SLC2A1: variants seen among roughly 807,000 people sequenced by gnomAD.
SLC2A1 encodes solute carrier family 2 member 1, also known as solute carrier family 2, facilitated glucose transporter member 1.
A neutral mutation model predicts 46.6 loss-of-function variants in SLC2A1; 4 were observed. The ratio of observed to expected loss-of-function variants is 0.09; its 90% CI spans 0.04 to 0.20. The LOEUF is 0.20. Ranked by LOEUF, SLC2A1 falls within the 10% of genes least tolerant of loss-of-function variation. The pLI, the probability that SLC2A1 is intolerant of heterozygous loss-of-function variation, is 1.00. For missense variants in SLC2A1, 352 were observed against 667.0 expected (o/e 0.53, Z 5.20); for synonymous variants, 253 against 270.0 (o/e 0.94, Z 0.62).
rs776396522 is a variant in SLC2A1 at position 42,927,280 on chromosome 1, C to T, written c.1279-39G>A. The stretch of plus-strand genomic sequence containing the variant: ...AGACACACTTGGTTGGAGTCATGAC[C>T]CTACATCCTGGCTGTAGGACTTTGG... On this transcript the variant is annotated intron_variant, in intron 9 of 9. Coordinates refer to ENST00000426263, the MANE Select transcript of SLC2A1 (RefSeq NM_006516.4). This position sits in a 1 kb window ranked among gnomAD's most constrained non-coding sequence, Gnocchi z 5.3. 12 of 1,591,056 alleles carry T rather than the reference C, an allele frequency of 7.5e-6. No individual in the cohort carries two copies. In the Admixed American group the frequency reaches 1.2e-4, roughly 16 times the overall value.
intron 2 of SLC2A1, chr1:42,942,920 T>C: frequency 2.3e-6 from 1 of 442,320 alleles, no homozygotes; most frequent in East Asian, 4.7e-5. Flanking sequence ...TGAGCTTTGC[T>C]TTGAGTTTAT....
intron 2 of SLC2A1, among the ~76,000 whole-genome samples, chr1:42,932,100 C>G (rs1433643020): frequency 6.6e-6 from 1 of 152,188 alleles, no homozygotes; most frequent in African/African-American, 2.4e-5. Flanking sequence ...CTTTCTGTTC[C>G]CCAGGCCTAG....
At position 42,927,482 on chromosome 1, in the gene SLC2A1, C is replaced by T. The variant is rs1048479369; in HGVS notation, c.1278+123G>A. On this transcript the variant is annotated intron_variant, in intron 9 of 9. Transcript: ENST00000426263. The surrounding 1 kb of genome is among the most constrained non-coding windows in gnomAD (Gnocchi z 5.3). ...AGGTCAGCATTCTTGGTCATGTGACCTGGGCTTCCTACCCTCAGTTTCCTC... is the reference window on the plus strand; with the variant it reads ...AGGTCAGCATTCTTGGTCATGTGACTTGGGCTTCCTACCCTCAGTTTCCTC... 1.5e-5 allele frequency: 15 copies of T among 1,023,506 alleles called. 1 individual carries two copies. In the South Asian group the frequency reaches 2.1e-4, roughly 14 times the overall value. The allele number at this position is 1,023,506 out of a possible 1,614,324, so 63.4% of individuals were successfully genotyped here.
chr1:42,929,015 C>T lies in SLC2A1; in HGVS notation c.991G>A (p.Ala331Thr), dbSNP rs1040371265. The T allele has an allele frequency of 2.5e-6, 4 of 1,613,258 alleles. No homozygotes were observed. In the African/African-American group the frequency reaches 4.0e-5, roughly 16 times the overall value. ...ATGAGGTGCAGGGTCCGCCGGCCTG[C>T]TCGCTCCACCACAAACAGCTGTGGG... is the stretch of plus-strand genomic sequence containing the variant. ...TVVSLFVVER[A>T]GRRTLHLIGL... is the part of the protein sequence containing the mutation. The change falls in exon 8 of 10, where the codon GCA becomes ACA. Residue 331 changes from alanine to threonine, a missense_variant. Around this residue, in one of 5 missense-constraint regions of SLC2A1, gnomAD observed 167 missense variants for 280.8 expected, o/e 0.59. Coordinates refer to ENST00000426263, the MANE Select transcript of SLC2A1 (RefSeq NM_006516.4). The surrounding 1 kb of genome is among the most constrained non-coding windows in gnomAD (Gnocchi z 6.0).
chr1:42,948,208 CT>C (rs1161110153), intron 1 of SLC2A1, among the ~76,000 whole-genome samples: 1 of 152,224 alleles, frequency 6.6e-6, no homozygotes, highest in Non-Finnish European at 1.5e-5. Flanking sequence ...TTCAGGACCT[CT>C]CCCCCAACGC....
At chr1:42,932,988 C>T (rs191537130) in intron 2 of SLC2A1, among the ~76,000 whole-genome samples, 2 of 152,342 alleles carry the variant, frequency 1.3e-5, no homozygotes, top group African/African-American at 4.8e-5. Flanking sequence ...AACTCTGATT[C>T]TGGACACAAC....
chr1:42,941,400 C>T (rs1451413091), intron 2 of SLC2A1, among the ~76,000 whole-genome samples: 1 of 152,212 alleles, frequency 6.6e-6, no homozygotes, highest in African/African-American at 2.4e-5. Flanking sequence ...TAGTGACACA[C>T]TAAACTACTC....
rs1405199587 is a variant in SLC2A1, at chr1:42,929,788, G to A, written c.680-8C>T. ...CGCGCAGCTTCTTTAGCACTGGGGG[G>A]ACCGGAGGGAAGGTGAGGGTGGCTC... On this transcript the variant is annotated splice_polypyrimidine_tract_variant and splice_region_variant and intron_variant, in intron 5 of 9. Coordinates refer to ENST00000426263, the MANE Select transcript of SLC2A1 (RefSeq NM_006516.4). The surrounding 1 kb of genome is among the most constrained non-coding windows in gnomAD (Gnocchi z 6.0). The A allele has an allele frequency of 3.1e-6, 5 of 1,614,132 alleles. No homozygotes were observed. Among genetic ancestry groups the A allele is most frequent in the East Asian group, 2.2e-5 (1 of 44,900 alleles).
At chr1:42,951,223 G>A (rs1321309310) in intron 1 of SLC2A1, among the ~76,000 whole-genome samples, 1 of 152,160 alleles carries the variant, frequency 6.6e-6, no homozygotes, top group African/African-American at 2.4e-5. Flanking sequence ...AGAAGGTGAT[G>A]GGGCTGCTAT....
In SLC2A1 at chr1:42,928,807, C is replaced by T. The variant is rs533214663; in HGVS notation, c.1074+125G>A. 48 of 854,020 alleles carry T rather than the reference C, an allele frequency of 5.6e-5. No homozygotes were observed. In the African/African-American group the frequency reaches 6.9e-4, roughly 12 times the overall value. The allele number at this position is 854,020 out of a possible 1,614,324, so 52.9% of individuals were successfully genotyped here. On this transcript the variant is annotated intron_variant, in intron 8 of 9. Coordinates refer to ENST00000426263, the MANE Select transcript of SLC2A1 (RefSeq NM_006516.4). ...CAACTTCAGGAGCCAGAAAGTCAGACCCACAGCCAGGGAGAATGCAGCCAC... is the reference window on the plus strand; with the variant it reads ...CAACTTCAGGAGCCAGAAAGTCAGATCCACAGCCAGGGAGAATGCAGCCAC...
intron 1 of SLC2A1, among the ~76,000 whole-genome samples, chr1:42,945,555 C>T (rs951323353): frequency 6.6e-6 from 1 of 152,008 alleles, no homozygotes; most frequent in Non-Finnish European, 1.5e-5. Context: ...CGAGACCAGC[C>T]TGGCCAACAT....
chr1:42,935,740 C>T (rs889450679), intron 2 of SLC2A1, among the ~76,000 whole-genome samples: 2 of 152,204 alleles, frequency 1.3e-5, no homozygotes, highest in African/African-American at 4.8e-5. Context: ...CAGGGCCAGA[C>T]TCCAGCTCAG....
Position 42,954,105 on chromosome 1 carries a change from C to A in SLC2A1, c.18+4529G>T, listed in dbSNP as rs973571590. On this transcript the variant is annotated intron_variant, in intron 1 of 9. Transcript: ENST00000426263. The surrounding 1 kb of genome is among the most constrained non-coding windows in gnomAD (Gnocchi z 4.2). ...TAGAGTTTCAGTTGTCAAGTTACGT[C>A]TAATCCAACTTTCAGGCTCCTATGG... is the stretch of plus-strand genomic sequence containing the variant. Among the ~76,000 whole-genome samples, 4 of 152,136 alleles carry A rather than the reference C, an allele frequency of 2.6e-5. No individual in the cohort carries two copies. The highest frequency in any genetic ancestry group is 9.7e-5 in the African/African-American group (4 of 41,438).
chr1:42,940,042 A>G (rs1437400061), intron 2 of SLC2A1, among the ~76,000 whole-genome samples: 2 of 142,536 alleles, frequency 1.4e-5, no homozygotes, highest in African/African-American at 2.7e-5. Flanking sequence ...CCCTCCTGGA[A>G]GACCTCCGCC....
At chr1:42,949,010 G>A (rs1320879773) in intron 1 of SLC2A1, among the ~76,000 whole-genome samples, 1 of 151,294 alleles carries the variant, frequency 6.6e-6, no homozygotes, top group East Asian at 1.9e-4. Flanking sequence ...AGAGCTTGCA[G>A]TGAGCTGAGA....
At chr1:42,937,093 T>A (rs1179243821) in intron 2 of SLC2A1, among the ~76,000 whole-genome samples, 1 of 152,218 alleles carries the variant, frequency 6.6e-6, no homozygotes, top group Non-Finnish European at 1.5e-5. Context: ...TGAGAAACCC[T>A]GCTCTAAGGG....
At chr1:42,928,095 C>T (rs1173876854) in intron 8 of SLC2A1, among the ~76,000 whole-genome samples, 1 of 152,212 alleles carries the variant, frequency 6.6e-6, no homozygotes, top group Non-Finnish European at 1.5e-5. Flanking sequence ...TCTGTGCCTG[C>T]AGCACAGTCC....
At chr1:42,939,889 G>A (rs1420970248) in intron 2 of SLC2A1, among the ~76,000 whole-genome samples, 1 of 150,082 alleles carries the variant, frequency 6.7e-6, no homozygotes, top group African/African-American at 2.4e-5. Context: ...GGAAGCGGAG[G>A]TTGCAGTGAG....
At chr1:42,952,358 ACT>A (rs1557654504) in intron 1 of SLC2A1, 1 of 476,968 alleles carries the variant, frequency 2.1e-6, no homozygotes, top group African/African-American at 2.0e-5. Flanking sequence ...TCAGGCCCAC[ACT>A]CAGCCTAGCG....
Sources: allele counts gnomAD v4.1 joint callset (sites outside exome capture counted in the v4.1 genomes callset), GRCh38; gene constraint gnomAD v4.1.1; regional missense constraint gnomAD v4.1.1; non-coding constraint Gnocchi (gnomAD v3.1); transcripts MANE v1.5; gene names NCBI Gene and HGNC (gene_info 2026-07-23, HGNC 2026-07-21).